RAB27A: variants seen among roughly 807,000 people sequenced by gnomAD.
RAB27A encodes ras-related protein Rab-27A.
Under a neutral mutation model 20.8 loss-of-function variants are expected in RAB27A, and 17 were observed. The observed-to-expected ratio is 0.82, with a 90% CI of 0.56 to 1.23. RAB27A has a LOEUF of 1.23. RAB27A is among the 50% of genes most tolerant of loss of function. The probability of loss-of-function intolerance (pLI) is 0.00; values close to 1 mark genes in which losing one functional copy is unlikely to be tolerated. For synonymous variants in RAB27A, 85 were observed against 92.8 expected, an observed-to-expected ratio of 0.92 and a Z score of 0.48; for missense variants, 277 against 266.7, an observed-to-expected ratio of 1.04 and a Z score of -0.27.
At chr15:55,283,014 T>C (rs925504515) in intron 1 of RAB27A, among the ~76,000 whole-genome samples, 1 of 152,174 alleles carries the variant, frequency 6.6e-6, no homozygotes, top group Non-Finnish European at 1.5e-5. Context: ...CAGCGGTAGT[T>C]AGGCTTAGTT....
At chr15:55,278,730 C>A (rs1897940196) in intron 1 of RAB27A, among the ~76,000 whole-genome samples, 2 of 152,262 alleles carry the variant, frequency 1.3e-5, no homozygotes, top group South Asian at 4.1e-4. Flanking sequence ...GATCTGCCCG[C>A]CTCAGCCTCC....
At chr15:55,276,644 G>A (rs1897881947) in intron 1 of RAB27A, among the ~76,000 whole-genome samples, 1 of 152,148 alleles carries the variant, frequency 6.6e-6, no homozygotes, top group African/African-American at 2.4e-5. Flanking sequence ...TGGTTGCCAG[G>A]GACTGGGAGG....
chr15:55,245,796 G>A (rs1372413495), intron 2 of RAB27A, among the ~76,000 whole-genome samples: 1 of 152,166 alleles, frequency 6.6e-6, no homozygotes, highest in Non-Finnish European at 1.5e-5. Flanking sequence ...AAAATTATCT[G>A]TAAATACTGT....
At chr15:55,237,278 GT>G (rs1211322775) in intron 2 of RAB27A, 1 of 152,044 alleles carries the variant, frequency 6.6e-6, no homozygotes, top group East Asian at 1.9e-4. Flanking sequence ...GGTTTTCAGT[GT>G]TACCTCCCTC....
intron 1 of RAB27A, among the ~76,000 whole-genome samples, chr15:55,279,792 C>G (rs1300714562): frequency 2.0e-5 from 3 of 152,180 alleles, no homozygotes; most frequent in Non-Finnish European, 4.4e-5. Flanking sequence ...GAATAAATAT[C>G]ACCAAGGAAA....
At chr15:55,246,432 A>G (rs529725896) in intron 2 of RAB27A, among the ~76,000 whole-genome samples, 2 of 150,746 alleles carry the variant, frequency 1.3e-5, no homozygotes, top group Admixed American at 6.6e-5. Context: ...TTTTTTTTTA[A>G]TTTATTGAAA....
At chr15:55,289,254 TAA>T (rs1160222006) in intron 1 of RAB27A, 3 of 152,486 alleles carry the variant, frequency 2.0e-5, no homozygotes, top group Non-Finnish European at 4.4e-5. Context: ...GTTTTCAGTC[TAA>T]CTGACAGGAG....
chr15:55,212,444 C>A (rs1895071147), intron 6 of RAB27A, among the ~76,000 whole-genome samples: 1 of 152,086 alleles, frequency 6.6e-6, no homozygotes, highest in African/African-American at 2.4e-5. Flanking sequence ...AAGGCTTTGC[C>A]ACTTACCAAC....
chr15:55,294,182 T>A (rs371013285), upstream of RAB27A, among the ~76,000 whole-genome samples: 11 of 151,958 alleles, frequency 7.2e-5, no homozygotes, highest in African/African-American at 2.7e-4. Context: ...ATAAGTGGAA[T>A]AGGCTTGAGA....
chr15:55,237,774 C>T (rs1484426076), intron 2 of RAB27A, among the ~76,000 whole-genome samples: 1 of 152,024 alleles, frequency 6.6e-6, no homozygotes, highest in African/African-American at 2.4e-5. Flanking sequence ...TGCAAGAAGA[C>T]ACTGTGACTA....
At chr15:55,317,225 A>T (rs1308244405) in intron 1 of RAB27A, 1 of 152,448 alleles carries the variant, frequency 6.6e-6, no homozygotes, top group Non-Finnish European at 1.5e-5. Context: ...TTTTAAGTAC[A>T]TCTATGTTTT....
chr15:55,306,776 G>A (rs928356240), intron 2 of RAB27A, among the ~76,000 whole-genome samples: 9 of 152,178 alleles, frequency 5.9e-5, no homozygotes, highest in African/African-American at 1.7e-4. Flanking sequence ...CCATAGAAAC[G>A]CTTGGTAAGG....
chr15:55,256,845 A>G (rs1897097168), intron 2 of RAB27A, among the ~76,000 whole-genome samples: 1 of 152,206 alleles, frequency 6.6e-6, no homozygotes, highest in Non-Finnish European at 1.5e-5. Flanking sequence ...CAACACAGAC[A>G]TTCTATGCTG....
At chr15:55,221,769 T>G (rs1895581557) in intron 6 of RAB27A, among the ~76,000 whole-genome samples, 2 of 152,176 alleles carry the variant, frequency 1.3e-5, no homozygotes, top group Admixed American at 1.3e-4. Flanking sequence ...TGGCTCATCT[T>G]ATTGTCATAA....
chr15:55,297,771 A>G (rs1207649332), intron 2 of RAB27A, among the ~76,000 whole-genome samples: 1 of 152,218 alleles, frequency 6.6e-6, no homozygotes, highest in Non-Finnish European at 1.5e-5. Context: ...TGTAACCCAC[A>G]AAATAGGAAT....
intron 2 of RAB27A, among the ~76,000 whole-genome samples, chr15:55,251,990 C>T (rs1241605525): frequency 6.6e-6 from 1 of 152,138 alleles, no homozygotes; most frequent in Non-Finnish European, 1.5e-5. Flanking sequence ...AGCACAAAAT[C>T]AACTCCAACC....
intron 1 of RAB27A, among the ~76,000 whole-genome samples, chr15:55,316,575 T>A (rs572480394): frequency 1.3e-3 from 191 of 147,204 alleles, no homozygotes; most frequent in Middle Eastern, 7.1e-3. Flanking sequence ...AGCACATGTA[T>A]CCCAGAACTT....
intron 2 of RAB27A, among the ~76,000 whole-genome samples, chr15:55,309,718 A>G (rs1427374199): frequency 1.3e-5 from 2 of 152,212 alleles, no homozygotes; most frequent in Non-Finnish European, 2.9e-5. Context: ...AAAGCAGAGT[A>G]TAAGGGTTAG....
Position 55,224,011 on chromosome 15 carries a change from G to A in RAB27A, c.345C>T (p.Ser115=). The A allele has an allele frequency of 1.3e-6, 2 of 1,569,464 alleles. No individual in the cohort carries two copies. The highest frequency in any genetic ancestry group is 1.8e-6 in the Non-Finnish European group (2 of 1,140,078). ...QSFLNVRNWI[S]QLQMHAYCEN... is the part of the protein sequence containing the mutation. The stretch of plus-strand genomic sequence containing the variant: ...CACAATATGCATGCATCTGTAGCTG[G>A]CCTATTAATATAAGAAAGTTTATTA... Residue 115 remains serine, a splice_region_variant and synonymous_variant, in exon 6 of 7, where the codon AGC becomes AGT. Coordinates refer to ENST00000336787, the MANE Select transcript of RAB27A (RefSeq NM_183235.3).
Sources: allele counts gnomAD v4.1 joint callset (sites outside exome capture counted in the v4.1 genomes callset), GRCh38; gene constraint gnomAD v4.1.1; transcripts MANE v1.5; gene names NCBI Gene and HGNC (gene_info 2026-07-23, HGNC 2026-07-21).